The following ARHGAP29 variants were observed in gnomAD, a reference collection of about 807,000 sequenced individuals.
The protein encoded by ARHGAP29 is Rho GTPase activating protein 29.
A neutral mutation model predicts 122.6 loss-of-function variants in ARHGAP29; 43 were observed. The observed-to-expected ratio is 0.35, with a 90% CI of 0.27 to 0.45. The LOEUF is 0.45. ARHGAP29 is among the 20% of genes least tolerant of loss of function. The pLI, the probability that ARHGAP29 is intolerant of heterozygous loss-of-function variation, is 1.00. For missense variants in ARHGAP29, 1,303 were observed against 1,477.2 expected, an observed-to-expected ratio of 0.88 and a Z score of 1.93; for synonymous variants, 506 against 497.1, an observed-to-expected ratio of 1.02 and a Z score of -0.24.
At chr1:94,232,176 C>T (rs1652956680) in intron 1 of ARHGAP29, among the ~76,000 whole-genome samples, 1 of 152,098 alleles carries the variant, frequency 6.6e-6, no homozygotes, top group Non-Finnish European at 1.5e-5. Context: ...CCTCCTCTGT[C>T]ACTTATTGTA....
At chr1:94,187,945 G>C (rs1029623214) in intron 15 of ARHGAP29, among the ~76,000 whole-genome samples, 7 of 152,014 alleles carry the variant, frequency 4.6e-5, no homozygotes, top group African/African-American at 1.7e-4. Context: ...TTAAATATAA[G>C]AGATTTATCT....
intron 1 of ARHGAP29, among the ~76,000 whole-genome samples, chr1:94,235,574 T>C (rs540389324): frequency 3.0e-4 from 46 of 152,286 alleles, no homozygotes; most frequent in Non-Finnish European, 4.3e-4. Context: ...CTGGAAACAA[T>C]TGTAGAAACT....
At chr1:94,179,591 T>TC (rs1649320440) in intron 20 of ARHGAP29, 134 bp downstream of exon 20, 1 of 433,420 alleles carries the variant, frequency 2.3e-6, no homozygotes, top group Non-Finnish European at 3.5e-6. Flanking sequence ...AGACTCTGTC[T>TC]CAAAAAAAAA....
intron 13 of ARHGAP29, 101 bp downstream of exon 13, chr1:94,189,825 A>C: frequency 3.4e-6 from 4 of 1,178,498 alleles, no homozygotes; most frequent in Non-Finnish European, 4.7e-6. Flanking sequence ...GAAAATTTTT[A>C]ATTTTGTCAG....
At chr1:94,307,736 T>C in the ARHGAP29 span, among the ~76,000 whole-genome samples, 9 of 152,116 alleles carry the variant, frequency 5.9e-5, no homozygotes, top group African/African-American at 1.9e-4. Context: ...TTGAAAAAAA[T>C]AAAGTTATAT....
At chr1:94,299,763 G>A in the ARHGAP29 span, among the ~76,000 whole-genome samples, 24 of 152,114 alleles carry the variant, frequency 1.6e-4, no homozygotes, top group African/African-American at 5.8e-4. Context: ...GAGGGAGGAA[G>A]GGGAGGGGGT....
chr1:94,233,326 A>G (rs983451158), intron 1 of ARHGAP29, among the ~76,000 whole-genome samples: 1 of 151,844 alleles, frequency 6.6e-6, no homozygotes, highest in African/African-American at 2.4e-5. Flanking sequence ...ACTCCTTCCT[A>G]TATCTCACCC....
In ARHGAP29 at chr1:94,188,946, A is replaced by G; in HGVS notation, c.1577-5T>C. On this transcript the variant is annotated splice_polypyrimidine_tract_variant and splice_region_variant and intron_variant, in intron 14 of 22. Coordinates refer to ENST00000260526, the MANE Select transcript of ARHGAP29 (RefSeq NM_004815.4). ...ATGATCTTATAAAGGAAGGACCTTT[A>G]ATAAAAAGAATAAAGTCAAAACTTG... 6.2e-7 allele frequency: 1 copy of G among 1,609,550 alleles called. No individual in the cohort carries two copies. Among genetic ancestry groups the G allele is most frequent in the Non-Finnish European group, 8.5e-7 (1 of 1,177,260 alleles).
the ARHGAP29 span, among the ~76,000 whole-genome samples, chr1:94,282,475 A>G: frequency 6.6e-6 from 1 of 151,462 alleles, no homozygotes; most frequent in Non-Finnish European, 1.5e-5. Context: ...TTGTAGAGAG[A>G]AGGTTTTGCC....
the ARHGAP29 span, among the ~76,000 whole-genome samples, chr1:94,298,449 C>T: frequency 6.6e-6 from 1 of 152,132 alleles, no homozygotes; most frequent in African/African-American, 2.4e-5. Context: ...TGACTATTTT[C>T]AACTTTTAAC....
the ARHGAP29 span, among the ~76,000 whole-genome samples, chr1:94,295,634 C>T: frequency 6.6e-6 from 1 of 151,636 alleles, no homozygotes; most frequent in East Asian, 1.9e-4. Flanking sequence ...TATGTTGATG[C>T]GATGAATCCA....
At chr1:94,271,125 G>A (rs1654976164) in intron 1 of ARHGAP29, among the ~76,000 whole-genome samples, 2 of 152,240 alleles carry the variant, frequency 1.3e-5, no homozygotes, top group Non-Finnish European at 2.9e-5. Flanking sequence ...ATGGGATTCA[G>A]TGTCTCACAT....
At chr1:94,299,918 G>A in the ARHGAP29 span, among the ~76,000 whole-genome samples, 1 of 152,164 alleles carries the variant, frequency 6.6e-6, no homozygotes, top group South Asian at 2.1e-4. Flanking sequence ...TTTATGTGTA[G>A]AGAGGACCTT....
At chr1:94,267,318 G>C (rs966262282) in intron 1 of ARHGAP29, among the ~76,000 whole-genome samples, 1 of 152,182 alleles carries the variant, frequency 6.6e-6, no homozygotes, top group Non-Finnish European at 1.5e-5. Context: ...GTTTCCAAAG[G>C]CTACAGTGTC....
At chr1:94,211,460 A>G (rs1354538534) in intron 3 of ARHGAP29, among the ~76,000 whole-genome samples, 1 of 152,202 alleles carries the variant, frequency 6.6e-6, no homozygotes, top group East Asian at 1.9e-4. Flanking sequence ...TAGATGGAAA[A>G]TAAGTAAGCA....
chr1:94,273,182 A>G (rs1354721103), intron 1 of ARHGAP29, among the ~76,000 whole-genome samples: 1 of 152,188 alleles, frequency 6.6e-6, no homozygotes, highest in Non-Finnish European at 1.5e-5. Flanking sequence ...CAATGCCAAG[A>G]CTTTGGAAAT....
upstream of ARHGAP29, chr1:94,237,723 C>T (rs569844073): frequency 6.1e-6 from 6 of 985,304 alleles, 1 homozygote; most frequent in South Asian, 2.3e-4. Context: ...GCAACTAGCT[C>T]GCGCGCAGAA....
At position 94,189,909 on chromosome 1, in the gene ARHGAP29, T is replaced by C; in HGVS notation, c.1439+17A>G. ...TTTTATATTTTGAAATAATTTTGTC[T>C]GTACATTAATTCTCACCCATCAACT... is the stretch of plus-strand genomic sequence containing the variant. On this transcript the variant is annotated intron_variant, in intron 13 of 22. Coordinates refer to ENST00000260526, the MANE Select transcript of ARHGAP29 (RefSeq NM_004815.4). The C allele has an allele frequency of 6.2e-7, 1 of 1,610,704 alleles. No homozygotes were observed. The highest frequency in any genetic ancestry group is 8.5e-7 in the Non-Finnish European group (1 of 1,177,738).
intron 12 of ARHGAP29, among the ~76,000 whole-genome samples, chr1:94,199,902 A>G (rs1395190915): frequency 6.6e-6 from 1 of 152,222 alleles, no homozygotes; most frequent in Non-Finnish European, 1.5e-5. Flanking sequence ...ACTCCGATAA[A>G]GTAACATCCT....
Sources: gnomAD v4.1 joint callset for allele counts (sites outside exome capture counted in the v4.1 genomes callset) on GRCh38, gnomAD v4.1.1 for gene constraint, MANE v1.5 for transcripts, NCBI Gene and HGNC (gene_info 2026-07-23, HGNC 2026-07-21) for gene names.